VCAN: variants seen among roughly 807,000 people sequenced by gnomAD.
VCAN encodes versican core protein.
In VCAN, 44 loss-of-function variants were observed where a neutral mutation model predicts 245.5. The observed-to-expected ratio is 0.18, with a 90% CI of 0.14 to 0.23. The LOEUF is 0.23. Ranked by LOEUF, VCAN falls within the 10% of genes least tolerant of loss-of-function variation. The probability of loss-of-function intolerance (pLI) is 1.00; values close to 1 mark genes in which losing one functional copy is unlikely to be tolerated. For synonymous variants in VCAN, 1,413 were observed against 1,437.0 expected (o/e 0.98, Z 0.38); for missense variants, 3,793 against 4,057.9 (o/e 0.93, Z 1.77).
intron 7 of VCAN, among the ~76,000 whole-genome samples, chr5:83,527,423 A>G (rs887873758): frequency 1.3e-5 from 2 of 152,184 alleles, no homozygotes; most frequent in African/African-American, 4.8e-5. Flanking sequence ...AGATAATTAG[A>G]ATGGCTTCCC....
intron 6 of VCAN, among the ~76,000 whole-genome samples, chr5:83,517,704 G>A (rs1269892001): frequency 2.0e-5 from 3 of 152,106 alleles, no homozygotes; most frequent in Non-Finnish European, 4.4e-5. Context: ...AAAAGGGGAG[G>A]AAAAGGTTAT....
rs765598717 is a variant in VCAN, at chr5:83,519,713, T to C, written c.1407T>C (p.Tyr469=). Reference sequence around the variant, plus strand: ...AGAGTACAACTGGCGTCTCTCATTATGCTACGGATTCATGGGATGGTGTCG... The same window carrying C: ...AGAGTACAACTGGCGTCTCTCATTACGCTACGGATTCATGGGATGGTGTCG... ...VLQSTTGVSH[Y]ATDSWDGVVE... The change falls in exon 7 of 15, where the codon TAT becomes TAC. Residue 469 remains tyrosine, a synonymous_variant. Transcript: ENST00000265077. 6.2e-7 allele frequency: 1 copy of C among 1,614,186 alleles called. No individual in the cohort carries two copies. The highest frequency in any genetic ancestry group is 8.5e-7 in the Non-Finnish European group (1 of 1,180,000).
chr5:83,580,289 T>G lies in VCAN; in HGVS notation c.10064-18T>G. The G allele has an allele frequency of 6.2e-7, 1 of 1,613,870 alleles. No homozygotes were observed. Among genetic ancestry groups the G allele is most frequent in the Non-Finnish European group, 8.5e-7 (1 of 1,179,978 alleles). ...AATATTGTGTGTTTTCTTTTTTTCT[T>G]TCTTTCCTTCCATGTAGCATCTGCA... On this transcript the variant is annotated intron_variant, in intron 14 of 14. Transcript: ENST00000265077.
chr5:83,542,970 A>T (rs1198845616), intron 8 of VCAN, among the ~76,000 whole-genome samples: 1 of 152,184 alleles, frequency 6.6e-6, no homozygotes, highest in East Asian at 1.9e-4. Context: ...CGAAAAGGCT[A>T]TAAAAGCCCT....
In VCAN at chr5:83,520,399, C is replaced by T. The variant is rs367693551; in HGVS notation, c.2093C>T (p.Thr698Ile). ...ETLIPEMRTD[T>I]YTDEIQEEIT... The stretch of plus-strand genomic sequence containing the variant: ...CTAATACCAGAGATGAGAACAGATA[C>T]TTATACAGATGAAATACAAGAAGAG... Residue 698 changes from threonine to isoleucine, a missense_variant, in exon 7 of 15, where the codon ACT becomes ATT. By Grantham distance (89) the Thr-to-Ile change is moderately conservative (BLOSUM62 -1). Coordinates refer to ENST00000265077, the MANE Select transcript of VCAN (RefSeq NM_004385.5). The T allele has an allele frequency of 3.5e-5, 56 of 1,613,238 alleles. No homozygotes were observed. Among genetic ancestry groups the T allele is most frequent in the Non-Finnish European group, 4.4e-5 (52 of 1,179,864 alleles).
chr5:83,527,676 C>T (rs1746353487), intron 7 of VCAN, among the ~76,000 whole-genome samples: 1 of 152,124 alleles, frequency 6.6e-6, no homozygotes, highest in South Asian at 2.1e-4. Context: ...CATATAAACA[C>T]ACACATATAG....
chr5:83,576,455 A>G (rs963309766), intron 13 of VCAN, among the ~76,000 whole-genome samples: 1 of 151,922 alleles, frequency 6.6e-6, no homozygotes, highest in Non-Finnish European at 1.5e-5. Context: ...ACAACATTTT[A>G]CTTATCAATT....
rs1487982706 is a variant in VCAN at position 83,538,407 on chromosome 5, T to C, written c.5404T>C (p.Leu1802=). Residue 1802 remains leucine, a synonymous_variant, in exon 8 of 15, where the codon TTG becomes CTG. Transcript: ENST00000265077. ...VFTETNTLEN[L]GAQTTEHSSI... is the part of the protein sequence containing the mutation. ...TACAGAAACAAATACATTAGAAAAT[T>C]TGGGGGCACAGACCACTGAGCACAG... The C allele has an allele frequency of 3.7e-6, 6 of 1,613,782 alleles. No individual in the cohort carries two copies. The highest frequency in any genetic ancestry group is 2.2e-5 in the East Asian group (1 of 44,864).
intron 1 of VCAN, among the ~76,000 whole-genome samples, chr5:83,476,173 T>C (rs1175630720): frequency 6.6e-6 from 1 of 152,242 alleles, no homozygotes; most frequent in East Asian, 1.9e-4. Flanking sequence ...TAATGATTGG[T>C]CACTTAATTG....
At chr5:83,480,853 A>C (rs1368337265) in intron 1 of VCAN, among the ~76,000 whole-genome samples, 1 of 152,220 alleles carries the variant, frequency 6.6e-6, no homozygotes, top group Non-Finnish European at 1.5e-5. Flanking sequence ...TAGTGATATG[A>C]AACTATGTTA....
intron 1 of VCAN, among the ~76,000 whole-genome samples, chr5:83,478,221 C>T (rs1744469697): frequency 6.6e-6 from 1 of 152,148 alleles, no homozygotes; most frequent in Admixed American, 6.5e-5. Flanking sequence ...GCTGGGATTA[C>T]AGGCATGAGC....
intron 13 of VCAN, among the ~76,000 whole-genome samples, chr5:83,574,631 C>T (rs1265723473): frequency 6.6e-6 from 1 of 152,044 alleles, no homozygotes; most frequent in Non-Finnish European, 1.5e-5. Flanking sequence ...GGGATTATGA[C>T]TTTTGAGATT....
At chr5:83,473,626 G>T (rs1204802999) in intron 1 of VCAN, among the ~76,000 whole-genome samples, 1 of 152,214 alleles carries the variant, frequency 6.6e-6, no homozygotes, top group East Asian at 1.9e-4. Flanking sequence ...AGGAGCGAGG[G>T]AGGCGGTGCG....
intron 2 of VCAN, among the ~76,000 whole-genome samples, chr5:83,484,881 C>T (rs1744742198): frequency 6.6e-6 from 1 of 152,068 alleles, no homozygotes; most frequent in Non-Finnish European, 1.5e-5. Flanking sequence ...GAGGAACCAG[C>T]CAGCCAAGAC....
At chr5:83,489,114 C>A (rs187809107) in intron 2 of VCAN, among the ~76,000 whole-genome samples, 298 of 149,612 alleles carry the variant, frequency 2.0e-3, no homozygotes, top group African/African-American at 7.1e-3. Context: ...AGATATACAT[C>A]ATTTTGTTGG....
intron 8 of VCAN, among the ~76,000 whole-genome samples, chr5:83,545,325 C>T (rs561765157): frequency 2.6e-5 from 4 of 152,060 alleles, no homozygotes; most frequent in African/African-American, 7.2e-5. Context: ...TGATTGAATC[C>T]CAGAAATGAA....
At chr5:83,542,660 A>T (rs1184080876) in intron 8 of VCAN, among the ~76,000 whole-genome samples, 2 of 152,198 alleles carry the variant, frequency 1.3e-5, no homozygotes, top group Admixed American at 6.5e-5. Flanking sequence ...AAACCCTCCC[A>T]TTGATGGATG....
intron 12 of VCAN, among the ~76,000 whole-genome samples, chr5:83,568,321 A>G (rs999473412): frequency 4.6e-5 from 7 of 152,322 alleles, no homozygotes; most frequent in African/African-American, 1.7e-4. Context: ...GATATGAGGT[A>G]ATAGTGTGAC....
In VCAN at chr5:83,581,317, C is replaced by CAAAAA. The variant is rs70975508; in HGVS notation, c.*904_*908dup. ...GGGTGGGGGATTGTTAAAACACATG[C>CAAAAA]AAAAAAAAAAAAAAAAAAAAAAAAA... is the stretch of plus-strand genomic sequence containing the variant. On this transcript the variant is annotated 3_prime_UTR_variant, in exon 15 of 15. Coordinates refer to ENST00000265077, the MANE Select transcript of VCAN (RefSeq NM_004385.5). The CAAAAA allele has an allele frequency of 2.8e-4, 33 of 116,850 alleles. No homozygotes were observed. Among genetic ancestry groups the CAAAAA allele is most frequent in the African/African-American group, 7.6e-4 (22 of 29,016 alleles). 7.2% of individuals were successfully genotyped at this position (116,850 alleles called of 1,614,324 possible).
Sources: allele counts gnomAD v4.1 joint callset (sites outside exome capture counted in the v4.1 genomes callset), GRCh38; gene constraint gnomAD v4.1.1; transcripts MANE v1.5; gene names NCBI Gene and HGNC (gene_info 2026-07-23, HGNC 2026-07-21).